Variants in C8A observed in about 807,000 individuals in gnomAD.
C8A encodes complement component C8 alpha chain.
In C8A, 67 loss-of-function variants were observed where a neutral mutation model predicts 65.3. That is an observed-to-expected ratio of 1.03 (90% CI 0.84 to 1.26). The LOEUF (loss-of-function observed/expected upper bound fraction) is 1.26, where lower values mean the gene tolerates loss of function less well. Among genes scored for constraint, C8A ranks in the 50% most tolerant of loss-of-function variants. The pLI, the probability that C8A is intolerant of heterozygous loss-of-function variation, is 0.00. For synonymous variants in C8A, 290 were observed against 259.4 expected, an observed-to-expected ratio of 1.12 and a Z score of -1.13; for missense variants, 781 against 723.9, an observed-to-expected ratio of 1.08 and a Z score of -0.90.
In C8A at chr1:56,897,093, A is replaced by T. The variant is rs1308416422; in HGVS notation, c.1097-9574A>T. 9.2e-5 allele frequency among the ~76,000 whole-genome samples: 14 copies of T among 152,166 alleles called. No individual in the cohort carries two copies. In the East Asian group the frequency reaches 2.5e-3, roughly 27 times the overall value. ...GCAGTAAACCTAGATATTTTATTTC[A>T]TTTATTTTCCTTTCTAAGAACATCA... is the stretch of plus-strand genomic sequence containing the variant. On this transcript the variant is annotated intron_variant, in intron 7 of 10. Coordinates refer to ENST00000361249, the MANE Select transcript of C8A (RefSeq NM_000562.3).
At chr1:56,864,653 C>T (rs1346516574) in intron 1 of C8A, among the ~76,000 whole-genome samples, 5 of 152,012 alleles carry the variant, frequency 3.3e-5, no homozygotes, top group Non-Finnish European at 4.4e-5. Flanking sequence ...TTGGATGACT[C>T]GTTTATAAGG....
intron 7 of C8A, among the ~76,000 whole-genome samples, chr1:56,897,873 C>T (rs1366763748): frequency 6.6e-6 from 1 of 152,132 alleles, no homozygotes; most frequent in East Asian, 1.9e-4. Flanking sequence ...AGGGGTGAGA[C>T]ACACAGAGCC....
chr1:56,871,672 A>G (rs1322267665), intron 2 of C8A, among the ~76,000 whole-genome samples: 2 of 152,158 alleles, frequency 1.3e-5, no homozygotes, highest in Non-Finnish European at 1.5e-5. Flanking sequence ...AACTTCATAA[A>G]CTTGTGAAGA....
intron 10 of C8A, among the ~76,000 whole-genome samples, chr1:56,914,332 A>G (rs1014857478): frequency 6.6e-5 from 10 of 152,100 alleles, no homozygotes; most frequent in African/African-American, 2.4e-4. Flanking sequence ...AGGGAGTTGG[A>G]AGAGATTCAT....
At chr1:56,899,900 A>G (rs1262546664) in intron 7 of C8A, among the ~76,000 whole-genome samples, 1 of 152,198 alleles carries the variant, frequency 6.6e-6, no homozygotes, top group Non-Finnish European at 1.5e-5. Flanking sequence ...CTGGGGCAAG[A>G]GAGGTTAAAC....
intron 1 of C8A, among the ~76,000 whole-genome samples, chr1:56,858,019 T>A (rs1341715252): frequency 6.6e-6 from 1 of 152,174 alleles, no homozygotes; most frequent in Non-Finnish European, 1.5e-5. Context: ...AATCTGCTGT[T>A]AAGCCTGTCC....
At chr1:56,907,567 T>A (rs1644475714) in intron 8 of C8A, among the ~76,000 whole-genome samples, 1 of 152,190 alleles carries the variant, frequency 6.6e-6, no homozygotes, top group African/African-American at 2.4e-5. Flanking sequence ...CCACATTGAG[T>A]CCTATAGTAA....
intron 2 of C8A, 86 bp from the exon 3 acceptor site, chr1:56,874,863 A>T (rs1644182416): frequency 6.9e-7 from 1 of 1,446,828 alleles, no homozygotes; most frequent in African/African-American, 1.4e-5. Context: ...ATTATTTCTT[A>T]TGTTGAGCCG....
chr1:56,912,534 C>G lies in C8A; in HGVS notation c.1512C>G (p.Asn504Lys). ...FNACRCGPCFNNGVPILEGTS... is the reference protein window; with the variant it reads ...FNACRCGPCFKNGVPILEGTS... ...CCTGCCGATGTGGGCCTTGCTTCAA[C>G]AATGGGGTGCCCATCCTCGAGGGCA... Residue 504 changes from asparagine to lysine, a missense_variant, in exon 10 of 11, where the codon AAC becomes AAG. Coordinates refer to ENST00000361249, the MANE Select transcript of C8A (RefSeq NM_000562.3). 1 of 1,614,226 alleles carries G rather than the reference C, an allele frequency of 6.2e-7. No homozygotes were observed. The highest frequency in any genetic ancestry group is 8.5e-7 in the Non-Finnish European group (1 of 1,180,040).
intron 7 of C8A, among the ~76,000 whole-genome samples, chr1:56,887,681 C>T (rs1644310739): frequency 6.6e-6 from 1 of 152,204 alleles, no homozygotes; most frequent in African/African-American, 2.4e-5. Context: ...GACAGATGCA[C>T]ATGTAGGTTT....
intron 2 of C8A, 73 bp from the exon 3 acceptor site, chr1:56,874,876 A>T: frequency 1.3e-6 from 2 of 1,564,398 alleles, no homozygotes; most frequent in South Asian, 1.1e-5. Flanking sequence ...TTGAGCCGAA[A>T]CCAGGCTGCA....
intron 7 of C8A, among the ~76,000 whole-genome samples, chr1:56,897,265 A>G (rs1644393767): frequency 6.6e-6 from 1 of 152,118 alleles, no homozygotes; most frequent in African/African-American, 2.4e-5. Flanking sequence ...TTAATGTTTA[A>G]ACTGAAAAGC....
chr1:56,861,812 T>C (rs1644036466), intron 1 of C8A, among the ~76,000 whole-genome samples: 1 of 152,218 alleles, frequency 6.6e-6, no homozygotes, highest in Non-Finnish European at 1.5e-5. Flanking sequence ...GATAATCAGA[T>C]TTTAATACAA....
chr1:56,904,683 C>G (rs1325504029), intron 7 of C8A, among the ~76,000 whole-genome samples: 1 of 152,172 alleles, frequency 6.6e-6, no homozygotes, highest in Admixed American at 6.5e-5. Flanking sequence ...TCATGAACCT[C>G]AGGCATCTCA....
chr1:56,874,473 T>C (rs1644178176), intron 2 of C8A, among the ~76,000 whole-genome samples: 1 of 152,194 alleles, frequency 6.6e-6, no homozygotes. Flanking sequence ...GCCAAGTGTA[T>C]GAAGCCAAAT....
chr1:56,867,458 G>A lies in C8A; in HGVS notation c.78-151G>A, dbSNP rs1415061314. ...TAGCACCATACACTCTCTCATTTCT[G>A]TTGGCATTTCTACATAAAGTAGGAG... On this transcript the variant is annotated intron_variant, in intron 1 of 10. Transcript: ENST00000361249. 8.7e-6 allele frequency: 6 copies of A among 693,232 alleles called. No individual in the cohort carries two copies. The African/African-American group carries it at 1.1e-4, about 12-fold the overall frequency. The allele number at this position is 693,232 out of a possible 1,614,324, so 42.9% of individuals were successfully genotyped here.
chr1:56,892,970 C>T (rs1269698360), intron 7 of C8A, among the ~76,000 whole-genome samples: 1 of 152,062 alleles, frequency 6.6e-6, no homozygotes, highest in Non-Finnish European at 1.5e-5. Flanking sequence ...AAAGACCTCA[C>T]AGAAAATGAC....
intron 1 of C8A, among the ~76,000 whole-genome samples, chr1:56,866,858 T>C (rs1435995706): frequency 6.6e-6 from 1 of 152,168 alleles, no homozygotes; most frequent in Non-Finnish European, 1.5e-5. Context: ...CTCTCTCATG[T>C]CTGTTGGCTG....
chr1:56,904,056 A>G (rs1644445876), intron 7 of C8A, among the ~76,000 whole-genome samples: 1 of 152,172 alleles, frequency 6.6e-6, no homozygotes, highest in African/African-American at 2.4e-5. Flanking sequence ...GTCTATCCAC[A>G]CTACACACCT....
Sources: gnomAD v4.1 joint callset for allele counts (sites outside exome capture counted in the v4.1 genomes callset) on GRCh38, gnomAD v4.1.1 for gene constraint, MANE v1.5 for transcripts, NCBI Gene and HGNC (gene_info 2026-07-23, HGNC 2026-07-21) for gene names.